SLC4A1AP: variants seen among roughly 807,000 people sequenced by gnomAD.
SLC4A1AP encodes the protein kanadaptin.
Under a neutral mutation model 89.7 loss-of-function variants are expected in SLC4A1AP, and 64 were observed. That is an observed-to-expected ratio of 0.71 (90% CI 0.58 to 0.88). SLC4A1AP has a LOEUF of 0.88. Ranked by LOEUF, SLC4A1AP falls within the 40% of genes least tolerant of loss-of-function variation. The pLI is 0.00. For synonymous variants in SLC4A1AP, 366 were observed against 353.3 expected, an observed-to-expected ratio of 1.04 and a Z score of -0.40; for missense variants, 931 against 965.0, an observed-to-expected ratio of 0.96 and a Z score of 0.47.
At chr2:27,688,661 C>A in intron 11 of SLC4A1AP, 39 bp from the exon 12 acceptor site, 1 of 1,417,980 alleles carries the variant, frequency 7.1e-7, no homozygotes, top group Non-Finnish European at 9.7e-7. Flanking sequence ...TTTACTTATA[C>A]TGAAAATAGC....
At chr2:27,672,230 C>T (rs761749156) in intron 5 of SLC4A1AP, among the ~76,000 whole-genome samples, 3 of 152,058 alleles carry the variant, frequency 2.0e-5, no homozygotes, top group Non-Finnish European at 2.9e-5. Context: ...TTAATTGTTT[C>T]GTCCCTCTGT....
At chr2:27,684,937 G>C in intron 9 of SLC4A1AP, 100 bp from the exon 10 acceptor site, 1 of 1,384,122 alleles carries the variant, frequency 7.2e-7, no homozygotes. Flanking sequence ...AACCTAAAAA[G>C]AGTAAACATT....
intron 3 of SLC4A1AP, among the ~76,000 whole-genome samples, chr2:27,667,969 C>T (rs1675361332): frequency 6.6e-6 from 1 of 152,036 alleles, no homozygotes; most frequent in Admixed American, 6.5e-5. Flanking sequence ...AAGTCTACAA[C>T]TTATAAAAGT....
intron 2 of SLC4A1AP, 150 bp downstream of exon 2, chr2:27,665,445 A>G (rs1675300559): frequency 1.8e-6 from 1 of 552,274 alleles, no homozygotes; most frequent in South Asian, 3.9e-5. Context: ...CAAAACCCAG[A>G]GAGATTCACT....
chr2:27,664,447 A>C, exon 1 of SLC4A1AP: 1 of 1,614,116 alleles, frequency 6.2e-7, no homozygotes, highest in Non-Finnish European at 8.5e-7. Flanking sequence ...CCGGGCTTCT[A>C]CCTCTACGAT....
intron 5 of SLC4A1AP, among the ~76,000 whole-genome samples, chr2:27,672,465 G>C (rs986441610): frequency 2.0e-5 from 3 of 151,980 alleles, no homozygotes; most frequent in Admixed American, 6.6e-5. Flanking sequence ...GAGACTCCAA[G>C]GTTTTAATTT....
intron 8 of SLC4A1AP, among the ~76,000 whole-genome samples, chr2:27,678,927 A>G (rs1241874918): frequency 6.6e-6 from 1 of 151,974 alleles, no homozygotes; most frequent in African/African-American, 2.4e-5. Flanking sequence ...CATGTTGCCC[A>G]AGCTGGTCTT....
At position 27,668,838 on chromosome 2, in the gene SLC4A1AP, C is replaced by T; in HGVS notation, c.1145-5C>T. 1.2e-6 allele frequency: 2 copies of T among 1,612,348 alleles called. No individual in the cohort carries two copies. Among genetic ancestry groups the T allele is most frequent in the Non-Finnish European group, 1.7e-6 (2 of 1,178,490 alleles). On this transcript the variant is annotated splice_region_variant and splice_polypyrimidine_tract_variant and intron_variant, in intron 3 of 13. Transcript: ENST00000613058. Reference sequence around the variant, plus strand: ...AAAATTGTTTTGTCTGTCTTTCTCCCACAGGAGAAGAATTAGAATATGAAT... The same window carrying T: ...AAAATTGTTTTGTCTGTCTTTCTCCTACAGGAGAAGAATTAGAATATGAAT...
chr2:27,687,980 A>G (rs745313289), exon 11 of SLC4A1AP: 1 of 1,614,044 alleles, frequency 6.2e-7, no homozygotes. Context: ...AAGATTATCA[A>G]GACTGTAGCA....
chr2:27,684,583 C>T (rs1675674249), intron 9 of SLC4A1AP, among the ~76,000 whole-genome samples: 1 of 152,122 alleles, frequency 6.6e-6, no homozygotes, highest in Non-Finnish European at 1.5e-5. Context: ...TCCTTTTCTT[C>T]AGGATCTGTT....
intron 2 of SLC4A1AP, 89 bp from the exon 3 acceptor site, chr2:27,667,179 C>G: frequency 7.0e-7 from 1 of 1,418,704 alleles, no homozygotes. Context: ...TAAACTATAT[C>G]TTTATGCAGC....
At chr2:27,669,707 T>G (rs1675390048) in intron 5 of SLC4A1AP, among the ~76,000 whole-genome samples, 1 of 152,128 alleles carries the variant, frequency 6.6e-6, no homozygotes. Context: ...ATTATTATTT[T>G]TGAGATGGAG....
At chr2:27,690,975 C>G (rs1228862252) in intron 12 of SLC4A1AP, among the ~76,000 whole-genome samples, 1 of 151,952 alleles carries the variant, frequency 6.6e-6, no homozygotes, top group Non-Finnish European at 1.5e-5. Context: ...CTGTGTTCAC[C>G]AGGGATATTG....
At chr2:27,665,887 G>T (rs1393115609) in intron 2 of SLC4A1AP, among the ~76,000 whole-genome samples, 1 of 152,190 alleles carries the variant, frequency 6.6e-6, no homozygotes, top group Non-Finnish European at 1.5e-5. Flanking sequence ...AATTACTTGT[G>T]CTAAGTGCCA....
intron 5 of SLC4A1AP, 110 bp from the exon 6 acceptor site, chr2:27,675,422 C>T (rs995656795): frequency 1.5e-6 from 1 of 656,076 alleles, no homozygotes; most frequent in African/African-American, 1.9e-5. Context: ...CTTGTAGAAC[C>T]TCTCTTTCAG....
chr2:27,690,456 C>T (rs1266292423), intron 12 of SLC4A1AP, among the ~76,000 whole-genome samples: 1 of 151,938 alleles, frequency 6.6e-6, no homozygotes, highest in Non-Finnish European at 1.5e-5. Flanking sequence ...GCCTCTAGCT[C>T]CAAGTTGCTG....
chr2:27,677,295 G>A (rs767952214), exon 7 of SLC4A1AP: 8 of 1,608,870 alleles, frequency 5.0e-6, no homozygotes, highest in South Asian at 4.4e-5. Flanking sequence ...GGTGTTACAG[G>A]TTGCAAAATT....
chr2:27,687,142 A>G (rs548234798), intron 10 of SLC4A1AP, among the ~76,000 whole-genome samples: 36 of 151,548 alleles, frequency 2.4e-4, no homozygotes, highest in Non-Finnish European at 4.9e-4. Flanking sequence ...TTTTTTTCCT[A>G]TGCCTTAGAC....
intron 12 of SLC4A1AP, among the ~76,000 whole-genome samples, chr2:27,689,211 C>T (rs1000103681): frequency 2.6e-5 from 4 of 152,036 alleles, no homozygotes; most frequent in African/African-American, 9.7e-5. Flanking sequence ...CTAACAGTTC[C>T]TTACAGATGG....
Sources: allele counts gnomAD v4.1 joint callset (sites outside exome capture counted in the v4.1 genomes callset), GRCh38; gene constraint gnomAD v4.1.1; transcripts MANE v1.5; gene names NCBI Gene and HGNC (gene_info 2026-07-23, HGNC 2026-07-21).